The following PIAS4 variants were observed in gnomAD, a reference collection of about 807,000 sequenced individuals.
PIAS4 encodes E3 SUMO-protein ligase PIAS4.
Under a neutral mutation model 58.0 loss-of-function variants are expected in PIAS4, and 7 were observed. The ratio of observed to expected loss-of-function variants is 0.12; its 90% CI spans 0.07 to 0.23. The LOEUF is 0.23. Ranked by LOEUF, PIAS4 falls within the 10% of genes least tolerant of loss-of-function variation. PIAS4 has a pLI of 1.00. For missense variants in PIAS4, 550 were observed against 709.5 expected, an observed-to-expected ratio of 0.78 and a Z score of 2.55; for synonymous variants, 364 against 312.4, an observed-to-expected ratio of 1.17 and a Z score of -1.74.
Position 4,028,770 on chromosome 19 carries a change from C to T in PIAS4, c.723C>T (p.Arg241=). ...KPGVEPKRPC[R]PINLTHLMYL... ...GGGTGGAGCCCAAGAGGCCGTGCCG[C>T]CCCATCAACCTCACCCACCTCATGT... Residue 241 remains arginine (R), a synonymous_variant, in exon 6 of 11, where the codon CGC becomes CGT. Coordinates refer to ENST00000262971, the MANE Select transcript of PIAS4 (RefSeq NM_015897.4). 1 of 1,613,462 alleles carries T rather than the reference C, an allele frequency of 6.2e-7. No individual in the cohort carries two copies. Among genetic ancestry groups the T allele is most frequent in the Non-Finnish European group, 8.5e-7 (1 of 1,179,910 alleles).
At chr19:4,009,834 G>C (rs2039976047) in intron 1 of PIAS4, among the ~76,000 whole-genome samples, 1 of 152,148 alleles carries the variant, frequency 6.6e-6, no homozygotes, top group Non-Finnish European at 1.5e-5. Flanking sequence ...GGTGAACTTT[G>C]AAATCTGAGA....
intron 2 of PIAS4, among the ~76,000 whole-genome samples, chr19:4,023,172 C>CAAAA (rs36013586): frequency 3.4e-5 from 4 of 118,728 alleles, no homozygotes; most frequent in Non-Finnish European, 3.5e-5. Flanking sequence ...AACAAAGTCT[C>CAAAA]AAAAAAAAAA....
At chr19:4,028,378 C>G (rs1026922562) in intron 4 of PIAS4, 132 bp from the exon 5 acceptor site, 3 of 802,144 alleles carry the variant, frequency 3.7e-6, no homozygotes, top group Admixed American at 2.1e-5. Flanking sequence ...ACCCGGGGGC[C>G]CTGATACCCC....
intron 8 of PIAS4, 85 bp downstream of exon 8, chr19:4,033,258 C>G: frequency 6.9e-7 from 1 of 1,444,538 alleles, no homozygotes; most frequent in Non-Finnish European, 9.6e-7. Context: ...GGCGGCTTGG[C>G]TGGGCCGTGA....
intron 7 of PIAS4, among the ~76,000 whole-genome samples, chr19:4,029,736 C>T (rs987844149): frequency 1.3e-5 from 2 of 150,638 alleles, no homozygotes; most frequent in African/African-American, 4.9e-5. Context: ...GCCTCTAACT[C>T]GGGCTCAAGC....
Position 4,028,790 on chromosome 19 carries a change from T to C in PIAS4, c.743T>C (p.Leu248Pro), listed in dbSNP as rs747881688. The C allele has an allele frequency of 1.2e-6, 2 of 1,613,468 alleles. No individual in the cohort carries two copies. Among genetic ancestry groups the C allele is most frequent in the South Asian group, 2.2e-5 (2 of 91,076 alleles). The change falls in exon 6 of 11, where the codon CTC (leucine) becomes CCC (proline). Residue 248 changes from leucine (L) to proline (P), a missense_variant. By Grantham distance (98) the Leu-to-Pro change is moderately conservative. This residue lies in a region of PIAS4 where 225 missense variants were observed against 345.8 expected (regional missense o/e 0.65). Coordinates refer to ENST00000262971, the MANE Select transcript of PIAS4 (RefSeq NM_015897.4). ...TGCCGCCCCATCAACCTCACCCACCTCATGTACCTGTCCTCGGCCACCAAC... is the reference window on the plus strand; with the variant it reads ...TGCCGCCCCATCAACCTCACCCACCCCATGTACCTGTCCTCGGCCACCAAC... Reference protein sequence around the residue: ...RPCRPINLTHLMYLSSATNRI... With the variant: ...RPCRPINLTHPMYLSSATNRI...
chr19:4,010,347 G>A (rs2039981021), intron 1 of PIAS4, among the ~76,000 whole-genome samples: 1 of 152,216 alleles, frequency 6.6e-6, no homozygotes, highest in Non-Finnish European at 1.5e-5. Context: ...GGCTCCCGGG[G>A]TGCGAGGATG....
rs2144938232 is a variant in PIAS4, at chr19:4,033,033, T to G, written c.908-67T>G. The G allele has an allele frequency of 3.1e-6, 4 of 1,302,330 alleles. No homozygotes were observed. In the East Asian group the frequency reaches 9.3e-5, roughly 30 times the overall value. 80.7% of individuals were successfully genotyped at this position (1,302,330 alleles called of 1,614,324 possible). ...GGTGGACGTCAGTGCCGGAGAGAAC[T>G]CGAATCACAGCCCCGCGCCCTGCTG... On this transcript the variant is annotated intron_variant, in intron 7 of 10. Transcript: ENST00000262971.
chr19:4,021,559 C>T (rs183479015), intron 2 of PIAS4, among the ~76,000 whole-genome samples: 1 of 152,186 alleles, frequency 6.6e-6, no homozygotes, highest in African/African-American at 2.4e-5. Context: ...GAGGGGTATT[C>T]ATCGGGAATT....
At chr19:4,018,217 C>T (rs1052139702) in intron 2 of PIAS4, among the ~76,000 whole-genome samples, 4 of 152,232 alleles carry the variant, frequency 2.6e-5, no homozygotes, top group African/African-American at 7.2e-5. Context: ...GTCCGGCCGG[C>T]GCCCTGCTGC....
At chr19:4,032,959 G>A (rs2040236175) in intron 7 of PIAS4, 141 bp from the exon 8 acceptor site, 4 of 673,586 alleles carry the variant, frequency 5.9e-6, no homozygotes, top group Non-Finnish European at 5.1e-6. Context: ...TCACGGCCCC[G>A]AGCCACACAG....
intron 2 of PIAS4, among the ~76,000 whole-genome samples, chr19:4,020,584 A>G (rs531015209): frequency 6.6e-6 from 1 of 152,350 alleles, no homozygotes; most frequent in African/African-American, 2.4e-5. Flanking sequence ...TACACAAGTG[A>G]TAGCAGGACG....
intron 7 of PIAS4, 95 bp from the exon 8 acceptor site, chr19:4,033,005 G>A: frequency 1.0e-6 from 1 of 968,462 alleles, no homozygotes; most frequent in Non-Finnish European, 1.6e-6. Flanking sequence ...GCCTGTTCTG[G>A]GAGGTGGACG....
chr19:4,029,996 G>A (rs1185685217), intron 7 of PIAS4, among the ~76,000 whole-genome samples: 2 of 151,594 alleles, frequency 1.3e-5, no homozygotes, highest in Non-Finnish European at 2.9e-5. Flanking sequence ...CTAATTTTTT[G>A]TATTTTCAGT....
At position 4,037,784 on chromosome 19, in the gene PIAS4, A is replaced by C; in HGVS notation, c.1442A>C (p.Glu481Ala). Residue 481 changes from glutamate (E) to alanine (A), a missense_variant, in exon 11 of 11, where the codon GAG (glutamate) becomes GCG (alanine). Coordinates refer to ENST00000262971, the MANE Select transcript of PIAS4 (RefSeq NM_015897.4). This position sits in a 1 kb window ranked among gnomAD's most constrained non-coding sequence, Gnocchi z 5.8. ...TCATCGTCCTCGGAGGATGAGGAGGAGGAGGAAGAGGAGGAGGAAGACGAG... is the reference window on the plus strand; with the variant it reads ...TCATCGTCCTCGGAGGATGAGGAGGCGGAGGAAGAGGAGGAGGAAGACGAG... ...DSSSSSEDEEEEEEEEEDEDE... is the reference protein window; with the variant it reads ...DSSSSSEDEEAEEEEEEDEDE... 6.3e-7 allele frequency: 1 copy of C among 1,598,434 alleles called. No individual in the cohort carries two copies. The highest frequency in any genetic ancestry group is 1.3e-5 in the African/African-American group (1 of 74,874).
intron 1 of PIAS4, among the ~76,000 whole-genome samples, chr19:4,012,221 C>T (rs2040002970): frequency 6.6e-6 from 1 of 151,896 alleles, no homozygotes; most frequent in Non-Finnish European, 1.5e-5. Flanking sequence ...CCTGTGTTGA[C>T]ATCCAGAGGG....
chr19:4,017,377 C>T (rs568899726), intron 2 of PIAS4, among the ~76,000 whole-genome samples: 26 of 152,342 alleles, frequency 1.7e-4, no homozygotes, highest in Middle Eastern at 3.4e-3. Context: ...CACTGGTCCC[C>T]CTCCCATGGC....
At chr19:4,035,083 G>A (rs546733585) in intron 9 of PIAS4, among the ~76,000 whole-genome samples, 166 of 152,304 alleles carry the variant, frequency 1.1e-3, no homozygotes, top group Middle Eastern at 3.4e-3. Flanking sequence ...GCAGGGAAGT[G>A]GGCAGGCAGG....
intron 9 of PIAS4, among the ~76,000 whole-genome samples, chr19:4,034,305 C>T (rs1177990044): frequency 6.6e-6 from 1 of 152,180 alleles, no homozygotes; most frequent in Non-Finnish European, 1.5e-5. Flanking sequence ...CAGGCATGGC[C>T]TCAGCGGACT....
Sources: allele counts gnomAD v4.1 joint callset (sites outside exome capture counted in the v4.1 genomes callset), GRCh38; gene constraint gnomAD v4.1.1; regional missense constraint gnomAD v4.1.1; non-coding constraint Gnocchi (gnomAD v3.1); transcripts MANE v1.5; gene names NCBI Gene and HGNC (gene_info 2026-07-23, HGNC 2026-07-21).